Variants in C12orf56 observed in about 807,000 individuals in gnomAD.
C12orf56 encodes chromosome 12 open reading frame 56, also known as uncharacterized protein C12orf56.
A neutral mutation model predicts 69.9 loss-of-function variants in C12orf56; 71 were observed. The observed-to-expected ratio is 1.02, with a 90% CI of 0.84 to 1.24. C12orf56 has a LOEUF of 1.24. Among genes scored for constraint, C12orf56 ranks in the 50% most tolerant of loss-of-function variants. The pLI is 0.00. For missense variants in C12orf56, 732 were observed against 738.5 expected (o/e 0.99, Z 0.10); for synonymous variants, 276 against 274.1 (o/e 1.01, Z -0.07).
chr12:64,319,394 TTTTG>T (rs572177526), intron 3 of C12orf56, among the ~76,000 whole-genome samples: 5 of 151,422 alleles, frequency 3.3e-5, no homozygotes, highest in South Asian at 2.1e-4. Flanking sequence ...AAGAGAGGGG[TTTTG>T]TTTGTTTGTT....
intron 2 of C12orf56, among the ~76,000 whole-genome samples, chr12:64,347,297 T>A (rs2039157466): frequency 6.7e-6 from 1 of 149,972 alleles, no homozygotes; most frequent in African/African-American, 2.5e-5. Flanking sequence ...TTTTTTTTTT[T>A]TTTTTTGAGA....
chr12:64,312,461 T>C (rs1391822153), intron 5 of C12orf56, among the ~76,000 whole-genome samples: 1 of 152,074 alleles, frequency 6.6e-6, no homozygotes, highest in Non-Finnish European at 1.5e-5. Context: ...ATACAAAAAT[T>C]AGCCAGGTTT....
At chr12:64,372,549 C>G (rs2039585679) in intron 1 of C12orf56, among the ~76,000 whole-genome samples, 1 of 152,196 alleles carries the variant, frequency 6.6e-6, no homozygotes, top group Non-Finnish European at 1.5e-5. Flanking sequence ...GAGTCTCGCT[C>G]TGTTGTCCAG....
chr12:64,384,160 G>T (rs1352470143), intron 1 of C12orf56, among the ~76,000 whole-genome samples: 4 of 152,010 alleles, frequency 2.6e-5, no homozygotes, highest in Non-Finnish European at 5.9e-5. Flanking sequence ...AAGCTAAGCA[G>T]TTTTTTTTAA....
intron 7 of C12orf56, among the ~76,000 whole-genome samples, chr12:64,285,246 A>C (rs909547739): frequency 1.3e-5 from 2 of 152,130 alleles, no homozygotes; most frequent in South Asian, 4.1e-4. Flanking sequence ...GTACTAAATC[A>C]TTTTATATGT....
At chr12:64,352,208 C>G (rs2039237285) in intron 2 of C12orf56, 1 of 151,964 alleles carries the variant, frequency 6.6e-6, no homozygotes, top group Non-Finnish European at 1.5e-5. Flanking sequence ...TTACCCACCA[C>G]CCTTGTTTCA....
chr12:64,339,727 TA>T, intron 2 of C12orf56, among the ~76,000 whole-genome samples: 1 of 152,002 alleles, frequency 6.6e-6, no homozygotes, highest in African/African-American at 2.4e-5. Flanking sequence ...TACACCCAGC[TA>T]CTTTTTGTAT....
In C12orf56 at chr12:64,266,893, G is replaced by A. The variant is rs2037924586; in HGVS notation, c.*290C>T. The A allele has an allele frequency of 8.3e-6, 3 of 361,286 alleles. No individual in the cohort carries two copies. The East Asian group carries it at 1.6e-4, about 19-fold the overall frequency. 22.4% of individuals were successfully genotyped at this position (361,286 alleles called of 1,614,324 possible). ...CCTTTTTCCTGTGTCTTGATGGATA[G>A]TCGTTTATTTTGTGGCAAGAGTGAG... is the stretch of plus-strand genomic sequence containing the variant. On this transcript the variant is annotated 3_prime_UTR_variant, in exon 13 of 13. Transcript: ENST00000543942.
At chr12:64,359,603 G>A (rs1266826949) in intron 1 of C12orf56, among the ~76,000 whole-genome samples, 3 of 152,274 alleles carry the variant, frequency 2.0e-5, no homozygotes, top group Admixed American at 6.5e-5. Flanking sequence ...ACATCTGTGC[G>A]GGGGTAAAGA....
chr12:64,293,916 G>T (rs1007211155), intron 6 of C12orf56, among the ~76,000 whole-genome samples: 1 of 152,168 alleles, frequency 6.6e-6, no homozygotes, highest in East Asian at 1.9e-4. Context: ...TGACAGAGAC[G>T]CTCTAAATCT....
intron 2 of C12orf56, among the ~76,000 whole-genome samples, chr12:64,346,089 G>T (rs181422569): frequency 7.9e-5 from 12 of 152,092 alleles, no homozygotes; most frequent in Admixed American, 7.2e-4. Context: ...TATTAGTCAG[G>T]GTTCTCTAGA....
chr12:64,274,530 GGA>G, intron 11 of C12orf56, among the ~76,000 whole-genome samples: 1 of 152,300 alleles, frequency 6.6e-6, no homozygotes, highest in Middle Eastern at 3.4e-3. Flanking sequence ...ATAGGAACTA[GGA>G]TGGTGTCTGT....
At chr12:64,324,350 C>T (rs1388363207) in intron 3 of C12orf56, among the ~76,000 whole-genome samples, 1 of 152,130 alleles carries the variant, frequency 6.6e-6, no homozygotes, top group Non-Finnish European at 1.5e-5. Flanking sequence ...TACAAAAGTG[C>T]AATTGAAATC....
intron 3 of C12orf56, among the ~76,000 whole-genome samples, chr12:64,324,499 G>A (rs1374243492): frequency 2.6e-5 from 4 of 152,190 alleles, no homozygotes; most frequent in Admixed American, 2.0e-4. Context: ...TGAGCCATGT[G>A]AAAAGCAATG....
intron 6 of C12orf56, among the ~76,000 whole-genome samples, chr12:64,297,375 A>C (rs2038380301): frequency 7.0e-6 from 1 of 142,284 alleles, no homozygotes. Flanking sequence ...AAATAGAGAG[A>C]CTACCCATTT....
intron 2 of C12orf56, chr12:64,338,528 T>A: frequency 8.0e-7 from 1 of 1,256,482 alleles, no homozygotes. Context: ...TGTGGTAAGG[T>A]CATCCCTCAC....
rs1193428142 is a variant in C12orf56 at position 64,266,615 on chromosome 12, A to G, written c.*568T>C. ...ACCTAGTCGAAATAATGGTTTTTGG[A>G]TGGCTCTGAGTACAGAATCGGGTGA... is the stretch of plus-strand genomic sequence containing the variant. On this transcript the variant is annotated 3_prime_UTR_variant, in exon 13 of 13. Transcript: ENST00000543942. 9.4e-6 allele frequency: 6 copies of G among 638,496 alleles called. No homozygotes were observed. In the African/African-American group the frequency reaches 1.1e-4, roughly 12 times the overall value. The allele number at this position is 638,496 out of a possible 1,614,324, so 39.6% of individuals were successfully genotyped here. A position where few individuals can be genotyped will look rare whatever the true frequency, so the allele number is the denominator to read the frequency against.
At chr12:64,342,481 C>T (rs539872234) in intron 2 of C12orf56, among the ~76,000 whole-genome samples, 2 of 152,214 alleles carry the variant, frequency 1.3e-5, no homozygotes, top group Non-Finnish European at 2.9e-5. Context: ...GGGAACTCCC[C>T]GTGAGGCCAG....
intron 8 of C12orf56, among the ~76,000 whole-genome samples, chr12:64,284,125 T>C (rs2038168132): frequency 6.6e-6 from 1 of 152,160 alleles, no homozygotes. Flanking sequence ...CACAAACTCC[T>C]GACCTCAGGT....
Sources: allele counts gnomAD v4.1 joint callset (sites outside exome capture counted in the v4.1 genomes callset), GRCh38; gene constraint gnomAD v4.1.1; transcripts MANE v1.5; gene names NCBI Gene and HGNC (gene_info 2026-07-23, HGNC 2026-07-21).